Variants in CELF2 observed in about 807,000 individuals in gnomAD.
CELF2 encodes the protein CUG triplet repeat RNA-binding protein 2.
A neutral mutation model predicts 62.6 loss-of-function variants in CELF2; 8 were observed. The observed-to-expected ratio is 0.13, with a 90% CI of 0.07 to 0.23. The LOEUF is 0.23. Ranked by LOEUF, CELF2 falls within the 10% of genes least tolerant of loss-of-function variation. The pLI, the probability that CELF2 is intolerant of heterozygous loss-of-function variation, is 1.00. For synonymous variants in CELF2, 258 were observed against 250.0 expected, an observed-to-expected ratio of 1.03 and a Z score of -0.30; for missense variants, 333 against 671.0, an observed-to-expected ratio of 0.50 and a Z score of 5.56.
chr10:11,289,795 A>G (rs1565799928), intron 9 of CELF2, among the ~76,000 whole-genome samples: 1 of 152,234 alleles, frequency 6.6e-6, no homozygotes, highest in Non-Finnish European at 1.5e-5. Context: ...GCAACACATC[A>G]ACTTACTTAA....
At chr10:11,294,529 T>C (rs1343147216) in intron 9 of CELF2, among the ~76,000 whole-genome samples, 1 of 152,226 alleles carries the variant, frequency 6.6e-6, no homozygotes, top group African/African-American at 2.4e-5. Context: ...AATCTCAAGG[T>C]AGACCATTCT....
At chr10:10,757,458 A>C in the CELF2 span, among the ~76,000 whole-genome samples, 1 of 152,314 alleles carries the variant, frequency 6.6e-6, no homozygotes, top group East Asian at 1.9e-4. Context: ...CAATAAAATA[A>C]AAAATAAAAT....
intron 12 of CELF2, among the ~76,000 whole-genome samples, chr10:11,326,494 A>T (rs2095740567): frequency 6.6e-6 from 1 of 152,142 alleles, no homozygotes; most frequent in Non-Finnish European, 1.5e-5. Context: ...ACCATCGGGG[A>T]GTGGGAATGA....
intron 3 of CELF2, among the ~76,000 whole-genome samples, chr10:11,226,886 C>T (rs2066822257): frequency 6.6e-6 from 1 of 152,222 alleles, no homozygotes; most frequent in Non-Finnish European, 1.5e-5. Context: ...CACCATCTTT[C>T]TTCAGCAGCA....
the CELF2 span, among the ~76,000 whole-genome samples, chr10:10,540,318 A>C: frequency 6.6e-6 from 1 of 152,194 alleles, no homozygotes; most frequent in East Asian, 1.9e-4. Context: ...CCTGGCTCCT[A>C]GCACCCTCAT....
At chr10:11,037,839 T>A (rs1245153576) in intron 1 of CELF2, among the ~76,000 whole-genome samples, 2 of 152,214 alleles carry the variant, frequency 1.3e-5, no homozygotes, top group Non-Finnish European at 2.9e-5. Context: ...CATGGTCCTA[T>A]GATTTTAAAT....
chr10:10,484,982 T>G, the CELF2 span, among the ~76,000 whole-genome samples: 2 of 152,196 alleles, frequency 1.3e-5, no homozygotes, highest in Non-Finnish European at 2.9e-5. Context: ...ATGAGCAGCT[T>G]GTACTTTATA....
At chr10:10,941,575 C>T (rs140678100) in intron 2 of CELF2, among the ~76,000 whole-genome samples, 2 of 152,314 alleles carry the variant, frequency 1.3e-5, no homozygotes, top group African/African-American at 4.8e-5. Flanking sequence ...CCCAAATCAG[C>T]TAGAGAAAAC....
At chr10:11,277,130 C>A (rs536299749) in intron 8 of CELF2, among the ~76,000 whole-genome samples, 1 of 152,222 alleles carries the variant, frequency 6.6e-6, no homozygotes, top group South Asian at 2.1e-4. Context: ...GGATACCTTG[C>A]ATTTATAGGG....
chr10:10,958,999 G>A (rs1005044430), intron 2 of CELF2, among the ~76,000 whole-genome samples: 1 of 152,216 alleles, frequency 6.6e-6, no homozygotes, highest in Non-Finnish European at 1.5e-5. Context: ...GCTCACACCT[G>A]TAATCCCAGC....
At chr10:10,703,467 C>T in the CELF2 span, among the ~76,000 whole-genome samples, 197 of 152,290 alleles carry the variant, frequency 1.3e-3, 1 homozygote, top group Non-Finnish European at 2.3e-3. Flanking sequence ...GATAGATCCT[C>T]CCCACTGGGG....
intron 2 of CELF2, among the ~76,000 whole-genome samples, chr10:11,171,064 T>A (rs2068711910): frequency 6.6e-6 from 1 of 152,172 alleles, no homozygotes; most frequent in Non-Finnish European, 1.5e-5. Context: ...ACTTCTCAGC[T>A]CAAAGAGAAA....
the CELF2 span, among the ~76,000 whole-genome samples, chr10:10,581,500 A>G: frequency 6.6e-6 from 1 of 152,162 alleles, no homozygotes; most frequent in Non-Finnish European, 1.5e-5. Flanking sequence ...AGTAGTACTC[A>G]GGAAAGCTGA....
At chr10:11,279,004 G>A (rs755002612) in intron 8 of CELF2, among the ~76,000 whole-genome samples, 13 of 152,196 alleles carry the variant, frequency 8.5e-5, no homozygotes, top group East Asian at 3.9e-4. Flanking sequence ...TGTGTTTCAC[G>A]GCCCCCACAC....
At chr10:11,045,336 C>T (rs2062627555) in intron 1 of CELF2, among the ~76,000 whole-genome samples, 1 of 152,176 alleles carries the variant, frequency 6.6e-6, no homozygotes, top group Admixed American at 6.5e-5. Flanking sequence ...CTCCCGGCCT[C>T]AAGCAGTCCT....
chr10:10,605,700 T>C, the CELF2 span, among the ~76,000 whole-genome samples: 6 of 152,136 alleles, frequency 3.9e-5, no homozygotes, highest in African/African-American at 1.4e-4. Flanking sequence ...GAAATGAAGA[T>C]CATGTGTGTT....
chr10:10,570,169 G>T, the CELF2 span, among the ~76,000 whole-genome samples: 2 of 151,902 alleles, frequency 1.3e-5, no homozygotes, highest in African/African-American at 4.8e-5. Flanking sequence ...GGCATTGAGG[G>T]GAGCAGAGCA....
At chr10:10,985,433 A>G (rs553454085) in intron 2 of CELF2, among the ~76,000 whole-genome samples, 27 of 152,180 alleles carry the variant, frequency 1.8e-4, no homozygotes, top group Non-Finnish European at 3.5e-4. Context: ...CATAAGTTTG[A>G]TAGATCTGCC....
rs2093220986 is a variant in CELF2, at chr10:11,296,682, C to CA, written c.976+8132dup. On this transcript the variant is annotated intron_variant, in intron 9 of 12. Coordinates refer to ENST00000633077, the MANE Select transcript of CELF2 (RefSeq NM_001326342.2). This position sits in a 1 kb window ranked among gnomAD's most constrained non-coding sequence, Gnocchi z 5.0. The stretch of plus-strand genomic sequence containing the variant: ...TAGATGCATTGGCCACCTACAAACA[C>CA]AAGCAAAATGTACCGACCTGTACAG... Among the ~76,000 whole-genome samples the CA allele has an allele frequency of 6.6e-6, 1 of 152,108 alleles. No individual in the cohort carries two copies. The highest frequency in any genetic ancestry group is 1.5e-5 in the Non-Finnish European group (1 of 68,016).
Sources: gnomAD v4.1 joint callset for allele counts (sites outside exome capture counted in the v4.1 genomes callset) on GRCh38, gnomAD v4.1.1 for gene constraint, Gnocchi (gnomAD v3.1) non-coding constraint, MANE v1.5 for transcripts, NCBI Gene and HGNC (gene_info 2026-07-23, HGNC 2026-07-21) for gene names.